DOCK4: variants seen among roughly 807,000 people sequenced by gnomAD.
DOCK4 encodes dedicator of cytokinesis protein 4.
DOCK4 carries 97 observed loss-of-function variants against 268.1 expected under a neutral mutation model. The observed-to-expected ratio is 0.36, with a 90% CI of 0.31 to 0.43. DOCK4 has a LOEUF of 0.43. DOCK4 is among the 20% of genes least tolerant of loss of function. The probability of loss-of-function intolerance (pLI) is 1.00; values close to 1 mark genes in which losing one functional copy is unlikely to be tolerated. For synonymous variants in DOCK4, 954 were observed against 887.2 expected (o/e 1.08, Z -1.34); for missense variants, 2,145 against 2,455.7 (o/e 0.87, Z 2.67).
Position 111,994,119 on chromosome 7 carries a change from TA to T in DOCK4, c.315+15del. On this transcript the variant is annotated intron_variant, in intron 5 of 52. Transcript: ENST00000428084. ...TTCTTTACCCGAAAAATCGTGTCAT[TA>T]AAAAGCTACTTAACCACATAGAGTT... is the stretch of plus-strand genomic sequence containing the variant. 1.3e-6 allele frequency: 2 copies of T among 1,539,060 alleles called. No homozygotes were observed. The highest frequency in any genetic ancestry group is 2.8e-5 in the African/African-American group (2 of 72,150).
intron 1 of DOCK4, among the ~76,000 whole-genome samples, chr7:112,196,598 G>A (rs754279609): frequency 3.7e-4 from 57 of 152,230 alleles, no homozygotes; most frequent in African/African-American, 1.3e-3. Flanking sequence ...AGTAAATGGC[G>A]TGCTCCAAGT....
chr7:111,883,616 T>C (rs903561198), intron 16 of DOCK4, among the ~76,000 whole-genome samples: 15 of 152,142 alleles, frequency 9.9e-5, no homozygotes, highest in Middle Eastern at 3.2e-3. Context: ...CTGGTTGCCA[T>C]GGGATGGACC....
intron 1 of DOCK4, among the ~76,000 whole-genome samples, chr7:112,010,393 C>T (rs769678613): frequency 3.3e-5 from 5 of 152,152 alleles, no homozygotes; most frequent in Non-Finnish European, 7.3e-5. Flanking sequence ...CTTCTTTATT[C>T]CCTTCAGTTT....
At chr7:112,080,030 G>T (rs961655290) in intron 1 of DOCK4, among the ~76,000 whole-genome samples, 1 of 151,908 alleles carries the variant, frequency 6.6e-6, no homozygotes, top group Non-Finnish European at 1.5e-5. Flanking sequence ...AATTCCTATG[G>T]TTCCTTAGTT....
intron 23 of DOCK4, among the ~76,000 whole-genome samples, chr7:111,862,607 C>T (rs1012503879): frequency 1.3e-5 from 2 of 150,292 alleles, no homozygotes; most frequent in Admixed American, 1.3e-4. Flanking sequence ...TCTCCCGCCT[C>T]AGCCTCCCGA....
At chr7:112,134,037 G>A (rs1814072559) in intron 1 of DOCK4, among the ~76,000 whole-genome samples, 1 of 152,212 alleles carries the variant, frequency 6.6e-6, no homozygotes, top group African/African-American at 2.4e-5. Flanking sequence ...GCCATGGTAG[G>A]AGGCCAGAAT....
chr7:112,195,065 G>C (rs1563176268), intron 1 of DOCK4, among the ~76,000 whole-genome samples: 1 of 152,146 alleles, frequency 6.6e-6, no homozygotes, highest in African/African-American at 2.4e-5. Context: ...GATCACCTGA[G>C]GTCAGGAGTT....
At chr7:112,134,235 C>G (rs1351887804) in intron 1 of DOCK4, among the ~76,000 whole-genome samples, 2 of 152,140 alleles carry the variant, frequency 1.3e-5, no homozygotes, top group African/African-American at 4.8e-5. Flanking sequence ...CACTCTTCCT[C>G]CCTGAGGCTC....
chr7:111,947,817 G>A (rs918847194), intron 8 of DOCK4, among the ~76,000 whole-genome samples: 3 of 152,168 alleles, frequency 2.0e-5, no homozygotes, highest in Non-Finnish European at 4.4e-5. Flanking sequence ...TCTGCCTCCC[G>A]GGTTCAAGCG....
chr7:112,161,719 T>A (rs1817145819), intron 1 of DOCK4, among the ~76,000 whole-genome samples: 1 of 152,212 alleles, frequency 6.6e-6, no homozygotes, highest in South Asian at 2.1e-4. Context: ...TGACTTGAGC[T>A]CTGGTACAGT....
chr7:111,842,897 A>G (rs1448469175), intron 25 of DOCK4, among the ~76,000 whole-genome samples: 1 of 152,178 alleles, frequency 6.6e-6, no homozygotes, highest in Non-Finnish European at 1.5e-5. Flanking sequence ...TCTCACCATA[A>G]CATGTAGGCA....
At chr7:112,200,659 G>A (rs1461228802) in intron 1 of DOCK4, among the ~76,000 whole-genome samples, 1 of 141,282 alleles carries the variant, frequency 7.1e-6, no homozygotes, top group Non-Finnish European at 1.5e-5. Context: ...CTAGAGATAG[G>A]AAATCCTAAA....
chr7:111,728,569 A>T lies in DOCK4; in HGVS notation c.5633T>A (p.Val1878Glu). The T allele has an allele frequency of 1.2e-6, 2 of 1,613,958 alleles. No homozygotes were observed. The highest frequency in any genetic ancestry group is 1.7e-6 in the Non-Finnish European group (2 of 1,179,894). Residue 1878 changes from valine (V) to glutamate (E), a missense_variant, in exon 53 of 53, where the codon GTG becomes GAG. Val to Glu is a moderately radical substitution (Grantham distance 121, BLOSUM62 -2). This residue lies in a region of DOCK4 where 547 missense variants were observed against 469.0 expected (regional missense o/e 1.17). Transcript: ENST00000428084. ...CGGCAGGGGGGCCGACTGTTCATTC[A>T]CCTGATTTTCAAAGCCTGAGGTTTC... Reference protein sequence around the residue: ...TSETSGFENQVNEQSAPLPVP... With the variant: ...TSETSGFENQENEQSAPLPVP...
chr7:111,859,507 C>T (rs1446744819), intron 23 of DOCK4, among the ~76,000 whole-genome samples: 1 of 151,934 alleles, frequency 6.6e-6, no homozygotes, highest in Non-Finnish European at 1.5e-5. Context: ...TTCCAAGTTC[C>T]CCATCCCCTC....
intron 51 of DOCK4, 23 bp downstream of exon 51, chr7:111,735,031 A>T: frequency 6.6e-7 from 1 of 1,516,950 alleles, no homozygotes; most frequent in Non-Finnish European, 9.0e-7. Context: ...AAAAGTGATC[A>T]TTCAAATTCT....
chr7:111,740,724 C>G (rs1268031007), intron 47 of DOCK4, among the ~76,000 whole-genome samples: 1 of 42,438 alleles, frequency 2.4e-5, no homozygotes, highest in Non-Finnish European at 5.4e-5. Context: ...CAGAGTGAGA[C>G]TCGCTAAAAA....
chr7:112,128,307 C>T (rs541606917), intron 1 of DOCK4, among the ~76,000 whole-genome samples: 417 of 151,792 alleles, frequency 2.7e-3, no homozygotes, highest in African/African-American at 9.2e-3. Context: ...GGGGTCAGCC[C>T]CCTGCCCGGC....
intron 16 of DOCK4, among the ~76,000 whole-genome samples, chr7:111,884,853 T>A (rs1192728575): frequency 6.6e-6 from 1 of 152,122 alleles, no homozygotes; most frequent in Non-Finnish European, 1.5e-5. Flanking sequence ...GAGCAGTGAA[T>A]AATACAAATG....
chr7:112,025,949 C>A (rs551717949), intron 1 of DOCK4, among the ~76,000 whole-genome samples: 1 of 152,212 alleles, frequency 6.6e-6, no homozygotes, highest in African/African-American at 2.4e-5. Context: ...TGGGGCTTCA[C>A]CTTGGAACTC....
Sources: gnomAD v4.1 joint callset for allele counts (sites outside exome capture counted in the v4.1 genomes callset) on GRCh38, gnomAD v4.1.1 for gene constraint, gnomAD v4.1.1 regional missense constraint, MANE v1.5 for transcripts, NCBI Gene and HGNC (gene_info 2026-07-23, HGNC 2026-07-21) for gene names.